ULK4: variants seen among roughly 807,000 people sequenced by gnomAD.
The protein encoded by ULK4 is unc-51 like kinase 4.
Under a neutral mutation model 160.6 loss-of-function variants are expected in ULK4, and 133 were observed. The ratio of observed to expected loss-of-function variants is 0.83; its 90% confidence interval spans 0.72 to 0.96. The LOEUF (loss-of-function observed/expected upper bound fraction) is 0.96. ULK4 is among the 40% of genes least tolerant of loss of function. ULK4 has a pLI of 0.00. For synonymous variants in ULK4, 534 were observed against 539.8 expected (o/e 0.99, Z 0.15); for missense variants, 1,580 against 1,499.5 (o/e 1.05, Z -0.89).
At chr3:41,598,507 C>T in intron 31 of ULK4, among the ~76,000 whole-genome samples, 1 of 152,098 alleles carries the variant, frequency 6.6e-6, no homozygotes, top group East Asian at 1.9e-4. Flanking sequence ...TACAACGAAA[C>T]CTAGAAATTG....
In ULK4 at chr3:41,800,353, T is replaced by C. The variant is rs2040422834; in HGVS notation, c.1849-60A>G. 2.7e-6 allele frequency: 4 copies of C among 1,497,282 alleles called. No individual in the cohort carries two copies. In the Admixed American group the frequency reaches 6.0e-5, roughly 23 times the overall value. The allele number at this position is 1,497,282 out of a possible 1,614,324, so 92.7% of individuals were successfully genotyped here. A position where few individuals can be genotyped will look rare whatever the true frequency, so the allele number is the denominator to read the frequency against. On this transcript the variant is annotated intron_variant, in intron 19 of 36. Transcript: ENST00000301831. The stretch of plus-strand genomic sequence containing the variant: ...GAGAAATAAATACATGTTATTTCTT[T>C]ATGACCATTGTAAATAATGTTATGA...
chr3:41,794,001 T>TA (rs1559556982), intron 20 of ULK4, among the ~76,000 whole-genome samples: 2 of 152,188 alleles, frequency 1.3e-5, no homozygotes, highest in Non-Finnish European at 2.9e-5. Flanking sequence ...CATGTTAAAA[T>TA]AGAGATTACT....
chr3:41,954,512 A>C, intron 2 of ULK4, 110 bp downstream of exon 2: 1 of 1,294,068 alleles, frequency 7.7e-7, no homozygotes, highest in African/African-American at 1.5e-5. Context: ...TTCCAGACTG[A>C]AAATGTGGCA....
intron 35 of ULK4, among the ~76,000 whole-genome samples, chr3:41,270,254 G>C (rs2079116724): frequency 6.6e-6 from 1 of 152,178 alleles, no homozygotes; most frequent in South Asian, 2.1e-4. Flanking sequence ...AACCAGGAAA[G>C]AGTGTGAGAG....
At chr3:41,869,899 C>A (rs61485666) in intron 17 of ULK4, among the ~76,000 whole-genome samples, 6,500 of 152,236 alleles carry the variant, frequency 0.043, 428 homozygotes, top group African/African-American at 0.15. Flanking sequence ...TAGTCAAATT[C>A]TCTCAGTTTG....
chr3:41,911,016 A>G (rs1292636911), intron 11 of ULK4, among the ~76,000 whole-genome samples: 6 of 152,246 alleles, frequency 3.9e-5, no homozygotes, highest in Non-Finnish European at 8.8e-5. Context: ...GTTCAATTCT[A>G]TTTTAAGTTA....
chr3:41,629,625 ATAT>A (rs1214438546), intron 30 of ULK4, among the ~76,000 whole-genome samples: 6 of 152,312 alleles, frequency 3.9e-5, no homozygotes, highest in African/African-American at 4.8e-5. Flanking sequence ...GGAATGGGAA[ATAT>A]TATTACAGAC....
chr3:41,273,878 G>A (rs2079183234), intron 35 of ULK4, among the ~76,000 whole-genome samples: 1 of 150,474 alleles, frequency 6.6e-6, no homozygotes, highest in Admixed American at 6.6e-5. Flanking sequence ...CTTCACATAT[G>A]TCTGCTTCCT....
At chr3:41,746,669 G>C (rs59055505) in intron 22 of ULK4, among the ~76,000 whole-genome samples, 1 of 151,706 alleles carries the variant, frequency 6.6e-6, no homozygotes, top group African/African-American at 2.4e-5. Flanking sequence ...ATAGGTCCCA[G>C]AACAGCTAAA....
At position 41,484,768 on chromosome 3, in the gene ULK4, G is replaced by A. The variant is rs1014333088; in HGVS notation, c.3227-21515C>T. Reference sequence around the variant, plus strand: ...CGCCCGGCCCGAGTGACCTTTTTACGCAGGCTTAATTTCCTCATTTGAAGA... The same window carrying A: ...CGCCCGGCCCGAGTGACCTTTTTACACAGGCTTAATTTCCTCATTTGAAGA... On this transcript the variant is annotated intron_variant, in intron 32 of 36. Coordinates refer to ENST00000301831, the MANE Select transcript of ULK4 (RefSeq NM_017886.4). 3.9e-5 allele frequency among the ~76,000 whole-genome samples: 6 copies of A among 152,026 alleles called. No homozygotes were observed. In the South Asian group the frequency reaches 8.3e-4, roughly 21 times the overall value.
chr3:41,531,333 C>T (rs1320669105), intron 32 of ULK4, among the ~76,000 whole-genome samples: 6 of 149,180 alleles, frequency 4.0e-5, no homozygotes, highest in Admixed American at 1.3e-4. Flanking sequence ...CCCAGCTACC[C>T]GGGAAGCTGA....
intron 18 of ULK4, among the ~76,000 whole-genome samples, chr3:41,829,907 C>T (rs1009162815): frequency 7.9e-5 from 12 of 151,304 alleles, no homozygotes; most frequent in African/African-American, 2.9e-4. Context: ...AGATGTCCAA[C>T]AATGATAGAC....
chr3:41,255,346 G>A (rs963204723), intron 35 of ULK4, among the ~76,000 whole-genome samples: 9 of 152,160 alleles, frequency 5.9e-5, no homozygotes, highest in Admixed American at 3.9e-4. Flanking sequence ...AGCTGGGCAT[G>A]GTGGCACAAG....
rs548252765 is a variant in ULK4 at position 41,561,719 on chromosome 3, A to AT, written c.3226+4305dup. Among the ~76,000 whole-genome samples the AT allele has an allele frequency of 2.6e-3, 402 of 152,168 alleles. 1 individual carries two copies. The highest frequency in any genetic ancestry group is 8.8e-3 in the African/African-American group (364 of 41,496). ...GATTGGTGGTGATATCCTCTTTATC[A>AT]TTTTTTATTGTGTCTATTTGATTCT... On this transcript the variant is annotated intron_variant, in intron 32 of 36. Coordinates refer to ENST00000301831, the MANE Select transcript of ULK4 (RefSeq NM_017886.4).
At chr3:41,424,650 T>C (rs6767524) in intron 34 of ULK4, among the ~76,000 whole-genome samples, 22,133 of 151,268 alleles carry the variant, frequency 0.15, 2,830 homozygotes, top group East Asian at 0.54. Flanking sequence ...GGGTCTGGAG[T>C]GGACACCCAG....
chr3:41,873,149 C>A (rs1217924111), intron 17 of ULK4, among the ~76,000 whole-genome samples: 2 of 152,074 alleles, frequency 1.3e-5, no homozygotes, highest in Admixed American at 6.5e-5. Flanking sequence ...GAGACTCCAT[C>A]TCAAATAAAT....
chr3:41,829,491 AAC>A (rs1188433124), intron 18 of ULK4, among the ~76,000 whole-genome samples: 1 of 152,176 alleles, frequency 6.6e-6, no homozygotes, highest in Non-Finnish European at 1.5e-5. Flanking sequence ...GAAGGATATG[AAC>A]AGACTCTTCT....
intron 30 of ULK4, among the ~76,000 whole-genome samples, chr3:41,653,377 C>CT (rs1394287390): frequency 2.0e-5 from 3 of 152,222 alleles, no homozygotes; most frequent in Non-Finnish European, 2.9e-5. Flanking sequence ...CCTCTGCCCC[C>CT]TGACTGGCCC....
chr3:41,735,983 T>C (rs2038029594), intron 22 of ULK4, among the ~76,000 whole-genome samples: 1 of 151,492 alleles, frequency 6.6e-6, no homozygotes, highest in Admixed American at 6.6e-5. Flanking sequence ...AGAATGATGG[T>C]TTCCAGCTTC....
Sources: gnomAD v4.1 joint callset for allele counts (sites outside exome capture counted in the v4.1 genomes callset) on GRCh38, gnomAD v4.1.1 for gene constraint, MANE v1.5 for transcripts, NCBI Gene and HGNC (gene_info 2026-07-23, HGNC 2026-07-21) for gene names.